Variants in CLTCL1 observed in about 807,000 individuals in gnomAD.
CLTCL1 encodes clathrin heavy chain 2.
In CLTCL1, 159 loss-of-function variants were observed where a neutral mutation model predicts 190.0. The observed-to-expected ratio is 0.84, with a 90% CI of 0.74 to 0.95. The LOEUF (loss-of-function observed/expected upper bound fraction) is 0.95, where lower values mean the gene tolerates loss of function less well. Ranked by LOEUF, CLTCL1 falls within the 40% of genes least tolerant of loss-of-function variation. The pLI, the probability that CLTCL1 is intolerant of heterozygous loss-of-function variation, is 0.00. For missense variants in CLTCL1, 1,878 were observed against 2,033.4 expected (o/e 0.92, Z 1.47); for synonymous variants, 752 against 769.6 (o/e 0.98, Z 0.38).
chr22:19,219,132 G>C (rs1030653512), intron 18 of CLTCL1, among the ~76,000 whole-genome samples: 3 of 152,012 alleles, frequency 2.0e-5, no homozygotes, highest in Non-Finnish European at 4.4e-5. Context: ...TTCTGCAGGG[G>C]AGAAGGTTCG....
At position 19,198,376 on chromosome 22, in the gene CLTCL1, A is replaced by T. The variant is rs1401967755; in HGVS notation, c.3873+1358T>A. Among the ~76,000 whole-genome samples the T allele has an allele frequency of 6.6e-6, 1 of 151,982 alleles. No homozygotes were observed. Among genetic ancestry groups the T allele is most frequent in the East Asian group, 1.9e-4 (1 of 5,138 alleles). ...TGGCTCCTGTCCCTACTCCTCAAGT[A>T]TGTGTCTCAGCACATGAGCCACCAT... On this transcript the variant is annotated intron_variant, in intron 24 of 32. Transcript: ENST00000427926. The surrounding 1 kb of genome is among the most constrained non-coding windows in gnomAD (Gnocchi z 4.1).
At chr22:19,289,829 G>C (rs1417480850) in intron 1 of CLTCL1, among the ~76,000 whole-genome samples, 3 of 152,196 alleles carry the variant, frequency 2.0e-5, no homozygotes, top group Non-Finnish European at 4.4e-5. Flanking sequence ...CAGCCATATA[G>C]GTGAGAAACA....
chr22:19,278,408 C>CAGG (rs2087591229), intron 1 of CLTCL1, among the ~76,000 whole-genome samples: 1 of 152,082 alleles, frequency 6.6e-6, no homozygotes, highest in Non-Finnish European at 1.5e-5. Context: ...TTTGGAAGCC[C>CAGG]AGGGCACAGA....
At position 19,201,991 on chromosome 22, in the gene CLTCL1, A is replaced by AC. The variant is rs782536100; in HGVS notation, c.3601-499dup. On this transcript the variant is annotated intron_variant, in intron 22 of 32. Transcript: ENST00000427926. Reference sequence around the variant, plus strand: ...AAGAACAAGTCACTGCCATAGCCACACCTTACACCTCAGAAGAGAGATGCC... The same window carrying AC: ...AAGAACAAGTCACTGCCATAGCCACACCCTTACACCTCAGAAGAGAGATGCC... 1.7e-4 allele frequency among the ~76,000 whole-genome samples: 26 copies of AC among 151,942 alleles called. No homozygotes were observed. The South Asian group carries it at 2.3e-3, about 13-fold the overall frequency.
intron 26 of CLTCL1, among the ~76,000 whole-genome samples, chr22:19,194,098 T>C (rs1555934093): frequency 1.3e-5 from 2 of 152,192 alleles, no homozygotes; most frequent in East Asian, 3.9e-4. Flanking sequence ...TTTTACAGAG[T>C]GCTGATTGGT....
chr22:19,259,135 C>T (rs1215134972), intron 2 of CLTCL1, among the ~76,000 whole-genome samples: 6 of 152,132 alleles, frequency 3.9e-5, no homozygotes, highest in African/African-American at 9.7e-5. Flanking sequence ...GACAGCGTTT[C>T]GCTCTTGTTG....
intron 3 of CLTCL1, among the ~76,000 whole-genome samples, chr22:19,244,630 T>A (rs2145977325): frequency 6.6e-6 from 1 of 152,268 alleles, no homozygotes; most frequent in African/African-American, 2.4e-5. Context: ...AAGCCTAAAC[T>A]GCAGCCAAGA....
At chr22:19,240,884 G>C (rs2086232860) in intron 4 of CLTCL1, among the ~76,000 whole-genome samples, 1 of 152,232 alleles carries the variant, frequency 6.6e-6, no homozygotes, top group African/African-American at 2.4e-5. Context: ...GGCAGCAGCA[G>C]GAGGAGGTTG....
rs540929239 is a variant in CLTCL1, at chr22:19,239,883, C to A, written c.682-495G>T. Among the ~76,000 whole-genome samples, 13 of 152,058 alleles carry A rather than the reference C, an allele frequency of 8.5e-5. No homozygotes were observed. In the South Asian group the frequency reaches 2.7e-3, roughly 32 times the overall value. On this transcript the variant is annotated intron_variant, in intron 4 of 32. Transcript: ENST00000427926. ...AATCTGATGAGGGAGCCCATCCCTG[C>A]CTTATGAGAACAGCTCCAAGTTCCT...
chr22:19,195,246 C>T (rs2084658059), intron 26 of CLTCL1, among the ~76,000 whole-genome samples: 1 of 152,198 alleles, frequency 6.6e-6, no homozygotes, highest in African/African-American at 2.4e-5. Context: ...GCCGCACTCC[C>T]TCCAGCAACC....
chr22:19,256,354 CTT>C (rs1239133099), intron 2 of CLTCL1, among the ~76,000 whole-genome samples: 7,324 of 104,030 alleles, frequency 0.07, 233 homozygotes, highest in Middle Eastern at 0.25. Flanking sequence ...TTTCTTTTAT[CTT>C]TTTTTTTTTT....
intron 22 of CLTCL1, 63 bp downstream of exon 22, chr22:19,208,091 T>A: frequency 6.2e-7 from 1 of 1,601,996 alleles, no homozygotes; most frequent in Non-Finnish European, 8.5e-7. Context: ...ACTGCTGCTC[T>A]GAGGAACATC....
At chr22:19,261,477 A>G (rs1555975578) in intron 2 of CLTCL1, among the ~76,000 whole-genome samples, 2 of 152,216 alleles carry the variant, frequency 1.3e-5, no homozygotes, top group Non-Finnish European at 1.5e-5. Context: ...TAGGCGAAGT[A>G]AATTGATAAC....
intron 10 of CLTCL1, among the ~76,000 whole-genome samples, chr22:19,232,156 C>T (rs1293246617): frequency 1.3e-5 from 2 of 152,100 alleles, no homozygotes; most frequent in Non-Finnish European, 2.9e-5. Context: ...CAGGGAGAGA[C>T]AATGATGTAG....
At chr22:19,290,790 GTTCT>G (rs1186760459) in intron 1 of CLTCL1, among the ~76,000 whole-genome samples, 7 of 152,216 alleles carry the variant, frequency 4.6e-5, no homozygotes, top group African/African-American at 7.2e-5. Flanking sequence ...ATGAAGATGA[GTTCT>G]TTAACACTTT....
chr22:19,198,720 T>C lies in CLTCL1; in HGVS notation c.3873+1014A>G, dbSNP rs1555937285. ...CTCAAACCGGCTCCATTTTCCTCTATAACTGATCACCTTCAAACACACTAT... is the reference window on the plus strand; with the variant it reads ...CTCAAACCGGCTCCATTTTCCTCTACAACTGATCACCTTCAAACACACTAT... On this transcript the variant is annotated intron_variant, in intron 24 of 32. Transcript: ENST00000427926. The surrounding 1 kb of genome is among the most constrained non-coding windows in gnomAD (Gnocchi z 4.1). 6.6e-6 allele frequency among the ~76,000 whole-genome samples: 1 copy of C among 152,210 alleles called. No individual in the cohort carries two copies. The highest frequency in any genetic ancestry group is 1.5e-5 in the Non-Finnish European group (1 of 68,046).
At position 19,188,226 on chromosome 22, in the gene CLTCL1, CT is replaced by C. The variant is rs149722477; in HGVS notation, c.4324-136del. ...GGAGCCAAGGGCACCTTCTGGACAC[CT>C]AGAACCAAAAGACCTACACTCACAC... On this transcript the variant is annotated intron_variant, in intron 27 of 32. Transcript: ENST00000427926. 2.5e-3 allele frequency: 1,843 copies of C among 746,628 alleles called. 29 individuals carry two copies. In the African/African-American group the frequency reaches 0.029, roughly 12 times the overall value. 46.3% of individuals were successfully genotyped at this position (746,628 alleles called of 1,614,324 possible). A position where few individuals can be genotyped will look rare whatever the true frequency, so the allele number is the denominator to read the frequency against.
Position 19,235,863 on chromosome 22 carries a change from CTCCA to C in CLTCL1, c.798_801del (p.Ile266MetfsTer9), listed in dbSNP as rs1569207609. On this transcript the variant is annotated frameshift_variant and splice_region_variant, in exon 6 of 33. Transcript: ENST00000427926. LOFTEE classifies it high-confidence loss of function. ...ATCAAGTAAATAACACCATGTTTAG[CTCCA>C]ATCTATAAGAAGACAGAGAGCAAGA... 1.9e-6 allele frequency: 3 copies of C among 1,612,946 alleles called. No homozygotes were observed. Among genetic ancestry groups the C allele is most frequent in the Non-Finnish European group, 2.5e-6 (3 of 1,179,446 alleles).
Position 19,183,583 on chromosome 22 carries a change from C to T in CLTCL1, c.4634G>A (p.Arg1545Gln), listed in dbSNP as rs782344707. ...CAACTTCTGGGCCAGCTCAGCATCCCGCGACTCTGCAGCATGCTGCATGGC... is the reference window on the plus strand; with the variant it reads ...CAACTTCTGGGCCAGCTCAGCATCCTGCGACTCTGCAGCATGCTGCATGGC... ...KDAMQHAAES[R>Q]DAELAQKLLQ... Residue 1545 changes from arginine (R) to glutamine (Q), a missense_variant, in exon 30 of 33, where the codon CGG (arginine) becomes CAG (glutamine). By Grantham distance (43) the Arg-to-Gln change is conservative. Coordinates refer to ENST00000427926, the MANE Select transcript of CLTCL1 (RefSeq NM_007098.4). The T allele has an allele frequency of 5.6e-6, 9 of 1,613,548 alleles. No individual in the cohort carries two copies. Among genetic ancestry groups the T allele is most frequent in the East Asian group, 4.5e-5 (2 of 44,896 alleles).
Sources: gnomAD v4.1 joint callset for allele counts (sites outside exome capture counted in the v4.1 genomes callset) on GRCh38, gnomAD v4.1.1 for gene constraint, Gnocchi (gnomAD v3.1) non-coding constraint, MANE v1.5 for transcripts, NCBI Gene and HGNC (gene_info 2026-07-23, HGNC 2026-07-21) for gene names.